The following GLP2R variants were observed in gnomAD, a reference collection of about 807,000 sequenced individuals.
GLP2R encodes the protein glucagon like peptide 2 receptor.
A neutral mutation model predicts 68.2 loss-of-function variants in GLP2R; 59 were observed. The observed-to-expected ratio is 0.87, with a 90% CI of 0.70 to 1.07. GLP2R has a LOEUF of 1.07. GLP2R is among the 50% of genes least tolerant of loss of function. GLP2R has a pLI of 0.00. For synonymous variants in GLP2R, 270 were observed against 265.4 expected, an observed-to-expected ratio of 1.02 and a Z score of -0.17; for missense variants, 548 against 677.4, an observed-to-expected ratio of 0.81 and a Z score of 2.12.
chr17:9,846,035 T>C (rs2066835378), intron 4 of GLP2R, among the ~76,000 whole-genome samples: 1 of 152,176 alleles, frequency 6.6e-6, no homozygotes, highest in African/African-American at 2.4e-5. Flanking sequence ...ATCTTTCTTA[T>C]TTTAAAATAA....
chr17:9,835,675 C>T (rs2066722153), intron 2 of GLP2R, among the ~76,000 whole-genome samples: 1 of 152,060 alleles, frequency 6.6e-6, no homozygotes, highest in Admixed American at 6.5e-5. Flanking sequence ...GATTATTTAG[C>T]TGATTGTGGA....
intron 10 of GLP2R, among the ~76,000 whole-genome samples, chr17:9,879,979 G>T (rs1357304133): frequency 6.6e-6 from 1 of 152,184 alleles, no homozygotes; most frequent in East Asian, 1.9e-4. Flanking sequence ...AAAGTCCGGA[G>T]TAAAGAAAGA....
intron 1 of GLP2R, among the ~76,000 whole-genome samples, chr17:9,832,953 C>G (rs2066693823): frequency 1.3e-5 from 2 of 152,042 alleles, no homozygotes; most frequent in African/African-American, 4.8e-5. Context: ...GAACCCACTT[C>G]CGAATTGACT....
intron 11 of GLP2R, among the ~76,000 whole-genome samples, chr17:9,885,258 C>T (rs934584494): frequency 6.6e-5 from 10 of 151,342 alleles, no homozygotes; most frequent in South Asian, 2.1e-4. Context: ...GGTGTTATCT[C>T]GGCTCACCGC....
At chr17:9,884,904 T>C (rs985539119) in intron 11 of GLP2R, among the ~76,000 whole-genome samples, 1 of 152,114 alleles carries the variant, frequency 6.6e-6, no homozygotes, top group African/African-American at 2.4e-5. Flanking sequence ...GCAGCTGTTA[T>C]GTAGTAATAT....
chr17:9,855,554 G>T lies in GLP2R; in HGVS notation c.611+953G>T, dbSNP rs1355816217. Reference sequence around the variant, plus strand: ...AGGTAAACAAATGGATGGAAGAGCTGGGATTTCAATTCAGGGCCCTCAGAT... The same window carrying T: ...AGGTAAACAAATGGATGGAAGAGCTTGGATTTCAATTCAGGGCCCTCAGAT... On this transcript the variant is annotated intron_variant, in intron 5 of 12. Transcript: ENST00000262441. 3.3e-5 allele frequency among the ~76,000 whole-genome samples: 5 copies of T among 152,182 alleles called. No individual in the cohort carries two copies. In the East Asian group the frequency reaches 9.6e-4, roughly 29 times the overall value.
At chr17:9,859,636 A>AAATAT (rs1555571772) in intron 6 of GLP2R, among the ~76,000 whole-genome samples, 291 of 143,100 alleles carry the variant, frequency 2.0e-3, no homozygotes, top group Non-Finnish European at 3.6e-3. Flanking sequence ...ACTAAAAAAA[A>AAATAT]ATATATATAT....
intron 11 of GLP2R, among the ~76,000 whole-genome samples, chr17:9,887,286 G>C (rs1428607751): frequency 2.0e-5 from 3 of 151,970 alleles, no homozygotes; most frequent in Non-Finnish European, 2.9e-5. Context: ...CCTGTACTTT[G>C]GGAGCCAAGG....
chr17:9,864,927 C>T (rs539529314), intron 9 of GLP2R, among the ~76,000 whole-genome samples: 1 of 152,286 alleles, frequency 6.6e-6, no homozygotes, highest in East Asian at 1.9e-4. Context: ...ATTCTAGTTT[C>T]CCTTGGTGCT....
chr17:9,844,930 A>T (rs1230857989), intron 4 of GLP2R, among the ~76,000 whole-genome samples: 1 of 151,352 alleles, frequency 6.6e-6, no homozygotes, highest in African/African-American at 2.4e-5. Flanking sequence ...ACCTCAGGTG[A>T]TCCACCCGCC....
chr17:9,881,632 G>T (rs542576454), intron 11 of GLP2R, among the ~76,000 whole-genome samples: 2 of 135,498 alleles, frequency 1.5e-5, no homozygotes, highest in African/African-American at 7.7e-5. Flanking sequence ...CGCCCGCCTC[G>T]GCCTCCCAAA....
intron 11 of GLP2R, among the ~76,000 whole-genome samples, chr17:9,881,344 G>C (rs2067193788): frequency 6.6e-6 from 1 of 150,738 alleles, no homozygotes; most frequent in African/African-American, 2.4e-5. Context: ...GCAGTTCAGG[G>C]CTCCCAAGAG....
intron 10 of GLP2R, among the ~76,000 whole-genome samples, chr17:9,872,730 G>C (rs533089160): frequency 6.6e-6 from 1 of 152,284 alleles, no homozygotes; most frequent in African/African-American, 2.4e-5. Context: ...CTGGCCTTAG[G>C]CAAGTGCCTT....
At chr17:9,865,519 C>G (rs969702321) in intron 9 of GLP2R, among the ~76,000 whole-genome samples, 1 of 152,130 alleles carries the variant, frequency 6.6e-6, no homozygotes, top group South Asian at 2.1e-4. Flanking sequence ...TAGAGTCATT[C>G]CCTCTCTACT....
chr17:9,849,836 A>T (rs2066876072), intron 4 of GLP2R, among the ~76,000 whole-genome samples: 1 of 151,848 alleles, frequency 6.6e-6, no homozygotes, highest in East Asian at 1.9e-4. Flanking sequence ...GATGGTCTTG[A>T]TCTCCTGACC....
chr17:9,865,893 G>A (rs1244657347), intron 9 of GLP2R: 2 of 471,186 alleles, frequency 4.2e-6, no homozygotes, highest in East Asian at 1.4e-4. Context: ...TTGGTCACAA[G>A]GAAGACATTT....
In GLP2R at chr17:9,886,848, T is replaced by G. The variant is rs532249582; in HGVS notation, c.1285-1084T>G. Among the ~76,000 whole-genome samples, 15 of 152,334 alleles carry G rather than the reference T, an allele frequency of 9.8e-5. No homozygotes were observed. The South Asian group carries it at 2.5e-3, about 25-fold the overall frequency. On this transcript the variant is annotated intron_variant, in intron 11 of 12. Coordinates refer to ENST00000262441, the MANE Select transcript of GLP2R (RefSeq NM_004246.3). ...GAGGAGTCAGCCTGCCACTGGGACCTTCACTCTTTAGTTGGAAATGCATCC... is the reference window on the plus strand; with the variant it reads ...GAGGAGTCAGCCTGCCACTGGGACCGTCACTCTTTAGTTGGAAATGCATCC...
chr17:9,859,200 T>C (rs2066961481), intron 6 of GLP2R, among the ~76,000 whole-genome samples: 4 of 152,228 alleles, frequency 2.6e-5, no homozygotes, highest in African/African-American at 9.6e-5. Flanking sequence ...CTAATTTGTT[T>C]CAATTTTTTC....
intron 4 of GLP2R, among the ~76,000 whole-genome samples, chr17:9,848,884 TGTGTGTGTGTGC>T (rs1217082095): frequency 1.4e-5 from 2 of 145,018 alleles, no homozygotes; most frequent in South Asian, 2.2e-4. Context: ...TGTGTGTGTG[TGTGTGTGTGTGC>T]GCTCACATAA....
Sources: allele counts gnomAD v4.1 joint callset (sites outside exome capture counted in the v4.1 genomes callset), GRCh38; gene constraint gnomAD v4.1.1; transcripts MANE v1.5; gene names NCBI Gene and HGNC (gene_info 2026-07-23, HGNC 2026-07-21).